The following NUAK1 variants were observed in gnomAD, a reference collection of about 807,000 sequenced individuals.
NUAK1 encodes the protein NUAK family kinase 1.
A neutral mutation model predicts 56.9 loss-of-function variants in NUAK1; 26 were observed. The ratio of observed to expected loss-of-function variants is 0.46; its 90% CI spans 0.33 to 0.63. The LOEUF is 0.63. Among genes scored for constraint, NUAK1 ranks in the 30% least tolerant of loss-of-function variants. The pLI, the probability that NUAK1 is intolerant of heterozygous loss-of-function variation, is 0.02. For missense variants in NUAK1, 727 were observed against 876.1 expected, an observed-to-expected ratio of 0.83 and a Z score of 2.15; for synonymous variants, 337 against 336.0, an observed-to-expected ratio of 1.00 and a Z score of -0.03.
At chr12:106,119,195 C>A (rs546228780) in intron 1 of NUAK1, among the ~76,000 whole-genome samples, 1 of 152,356 alleles carries the variant, frequency 6.6e-6, no homozygotes, top group South Asian at 2.1e-4. Context: ...GCAATAGCTT[C>A]TTTATGCCAA....
intron 4 of NUAK1, among the ~76,000 whole-genome samples, chr12:106,074,366 G>C (rs1171638336): frequency 6.6e-6 from 1 of 152,138 alleles, no homozygotes; most frequent in East Asian, 1.9e-4. Flanking sequence ...CAATGTGAAT[G>C]CCTTTCATGC....
At chr12:106,135,197 G>C (rs2136487234) in intron 1 of NUAK1, among the ~76,000 whole-genome samples, 2 of 152,342 alleles carry the variant, frequency 1.3e-5, no homozygotes, top group Admixed American at 1.3e-4. Context: ...GCTAGTAGGG[G>C]ATAGATCAAG....
At chr12:106,112,706 A>C (rs774665945) in intron 1 of NUAK1, among the ~76,000 whole-genome samples, 1 of 152,184 alleles carries the variant, frequency 6.6e-6, no homozygotes, top group African/African-American at 2.4e-5. Context: ...CTGTTGGTTC[A>C]TGTCCTACAT....
chr12:106,118,049 T>C (rs1249325644), intron 1 of NUAK1, among the ~76,000 whole-genome samples: 3 of 152,208 alleles, frequency 2.0e-5, no homozygotes, highest in Non-Finnish European at 4.4e-5. Context: ...TGGCCCAATA[T>C]CTACAAGTTG....
At chr12:106,104,104 T>G (rs1023493122) in intron 2 of NUAK1, 3 of 151,976 alleles carry the variant, frequency 2.0e-5, no homozygotes, top group Non-Finnish European at 4.4e-5. Flanking sequence ...CTCACTTGGT[T>G]GCCCAGGCTG....
chr12:106,094,422 T>C (rs2032672414), intron 2 of NUAK1, among the ~76,000 whole-genome samples: 2 of 152,240 alleles, frequency 1.3e-5, no homozygotes, highest in Admixed American at 1.3e-4. Flanking sequence ...TTGAGTCATT[T>C]AGTCAATACA....
chr12:106,128,743 C>T (rs546059447), intron 1 of NUAK1, among the ~76,000 whole-genome samples: 78 of 152,320 alleles, frequency 5.1e-4, no homozygotes, highest in African/African-American at 1.9e-3. Flanking sequence ...AAGCCACTCA[C>T]CATTCCCCGC....
At chr12:106,125,587 A>G (rs12309151) in intron 1 of NUAK1, among the ~76,000 whole-genome samples, 4,310 of 152,238 alleles carry the variant, frequency 0.028, 192 homozygotes, top group African/African-American at 0.097. Context: ...CACACTGATC[A>G]CTCAATGATT....
chr12:106,125,119 G>A (rs2033013787), intron 1 of NUAK1, among the ~76,000 whole-genome samples: 1 of 152,216 alleles, frequency 6.6e-6, no homozygotes, highest in South Asian at 2.1e-4. Flanking sequence ...AAGCCATGGA[G>A]GGGCATGTCT....
chr12:106,076,303 T>C (rs2032464387), intron 4 of NUAK1, among the ~76,000 whole-genome samples: 1 of 152,204 alleles, frequency 6.6e-6, no homozygotes, highest in South Asian at 2.1e-4. Flanking sequence ...AAGGAGCACA[T>C]GGGTCTTCCC....
At chr12:106,093,831 C>T (rs1367412879) in intron 2 of NUAK1, among the ~76,000 whole-genome samples, 1 of 152,212 alleles carries the variant, frequency 6.6e-6, no homozygotes, top group Admixed American at 6.5e-5. Flanking sequence ...CAGGGTCTTG[C>T]TCTGTCACAC....
intron 1 of NUAK1, among the ~76,000 whole-genome samples, chr12:106,131,276 CCAT>C (rs1397987210): frequency 2.0e-5 from 3 of 152,068 alleles, no homozygotes; most frequent in African/African-American, 7.3e-5. Flanking sequence ...AGGGGTGCAA[CCAT>C]CATCACAATT....
At chr12:106,089,117 G>C (rs1291444470) in intron 2 of NUAK1, among the ~76,000 whole-genome samples, 1 of 152,286 alleles carries the variant, frequency 6.6e-6, no homozygotes, top group Admixed American at 6.5e-5. Context: ...ACTGCCTCGG[G>C]ATGCATGGCC....
At chr12:106,102,955 A>G (rs1436030338) in intron 2 of NUAK1, among the ~76,000 whole-genome samples, 1 of 152,214 alleles carries the variant, frequency 6.6e-6, no homozygotes, top group Non-Finnish European at 1.5e-5. Context: ...CTAGTAACCT[A>G]AAGACCTTCC....
intron 1 of NUAK1, among the ~76,000 whole-genome samples, chr12:106,117,650 A>C (rs567323738): frequency 1.3e-5 from 2 of 152,244 alleles, no homozygotes; most frequent in Non-Finnish European, 2.9e-5. Context: ...GTGGAGCTTC[A>C]TCCCATTTCA....
chr12:106,115,307 T>C (rs893366256), intron 1 of NUAK1, among the ~76,000 whole-genome samples: 2 of 152,268 alleles, frequency 1.3e-5, no homozygotes, highest in African/African-American at 4.8e-5. Context: ...TGACTTTCTA[T>C]CTTATTTTAT....
At chr12:106,106,891 A>T (rs1310641953) in intron 1 of NUAK1, among the ~76,000 whole-genome samples, 1 of 152,204 alleles carries the variant, frequency 6.6e-6, no homozygotes, top group Non-Finnish European at 1.5e-5. Flanking sequence ...CAGGGTACTG[A>T]TGATTAAACA....
chr12:106,096,782 C>T (rs190566228), intron 2 of NUAK1, among the ~76,000 whole-genome samples: 62 of 152,346 alleles, frequency 4.1e-4, no homozygotes, highest in African/African-American at 1.5e-3. Flanking sequence ...GACAAACGAT[C>T]AGACCAAGAC....
intron 1 of NUAK1, among the ~76,000 whole-genome samples, chr12:106,134,190 G>C (rs1415779242): frequency 6.6e-6 from 1 of 152,172 alleles, no homozygotes; most frequent in Non-Finnish European, 1.5e-5. Flanking sequence ...TGACAAGTTT[G>C]AACCACATGT....
Sources: allele counts gnomAD v4.1 joint callset (sites outside exome capture counted in the v4.1 genomes callset), GRCh38; gene constraint gnomAD v4.1.1; transcripts MANE v1.5; gene names NCBI Gene and HGNC (gene_info 2026-07-23, HGNC 2026-07-21).